ZNRF3: variants seen among roughly 807,000 people sequenced by gnomAD.
The protein encoded by ZNRF3 is E3 ubiquitin-protein ligase ZNRF3.
ZNRF3 carries 23 observed loss-of-function variants against 72.5 expected under a neutral mutation model. The observed-to-expected ratio is 0.32, with a 90% confidence interval of 0.23 to 0.45. The LOEUF (loss-of-function observed/expected upper bound fraction) is 0.45, where lower values mean the gene tolerates loss of function less well. Among genes scored for constraint, ZNRF3 ranks in the 20% least tolerant of loss-of-function variants. The probability of loss-of-function intolerance (pLI) is 1.00; values close to 1 mark genes in which losing one functional copy is unlikely to be tolerated. For synonymous variants in ZNRF3, 610 were observed against 545.3 expected, an observed-to-expected ratio of 1.12 and a Z score of -1.65; for missense variants, 1,169 against 1,272.1, an observed-to-expected ratio of 0.92 and a Z score of 1.23.
chr22:29,019,023 C>T (rs1363461047), intron 2 of ZNRF3, among the ~76,000 whole-genome samples: 1 of 151,282 alleles, frequency 6.6e-6, no homozygotes, highest in Non-Finnish European at 1.5e-5. Context: ...GGGGCCTCAC[C>T]TGGGATAGCC....
At position 29,013,554 on chromosome 22, in the gene ZNRF3, A is replaced by G. The variant is rs181996060; in HGVS notation, c.426+26353A>G. Among the ~76,000 whole-genome samples, 177 of 152,316 alleles carry G rather than the reference A, an allele frequency of 1.2e-3. 3 individuals carry two copies. The South Asian group carries it at 0.026, about 22-fold the overall frequency. ...TGTGCTGATTAAATGGCAAAATATG[A>G]TGGCAATTTTTACCCTTTGTTATTA... On this transcript the variant is annotated intron_variant, in intron 2 of 8. Coordinates refer to ENST00000544604, the MANE Select transcript of ZNRF3 (RefSeq NM_001206998.2).
At position 28,883,808 on chromosome 22, in the gene ZNRF3, CCGCCGCCGCCGCCTG is replaced by C. The variant is rs1201640084; in HGVS notation, c.53_67del (p.Arg18_Arg22del). 9.2e-6 allele frequency: 9 copies of C among 979,328 alleles called. No individual in the cohort carries two copies. The African/African-American group carries it at 1.2e-4, about 13-fold the overall frequency. 60.7% of individuals were successfully genotyped at this position (979,328 alleles called of 1,614,324 possible). A position where few individuals can be genotyped will look rare whatever the true frequency, so the allele number is the denominator to read the frequency against. On this transcript the variant is annotated inframe_deletion, in exon 1 of 9. Transcript: ENST00000544604. This position sits in a 1 kb window ranked among gnomAD's most constrained non-coding sequence, Gnocchi z 5.5. ...GCGGGCGCCCAGGGGCCACGGGCCG[CCGCCGCCGCCGCCTG>C]CGCCGCCGCCCCCGCGGCCTCCGGT... is the stretch of plus-strand genomic sequence containing the variant.
intron 2 of ZNRF3, among the ~76,000 whole-genome samples, chr22:28,998,319 T>A: frequency 6.6e-6 from 1 of 151,582 alleles, no homozygotes. Flanking sequence ...GTATGTAAAG[T>A]TCTTGGAATA....
At position 29,049,212 on chromosome 22, in the gene ZNRF3, C is replaced by A; in HGVS notation, c.1031C>A (p.Pro344Gln). 1 of 1,601,518 alleles carries A rather than the reference C, an allele frequency of 6.2e-7. No individual in the cohort carries two copies. The highest frequency in any genetic ancestry group is 1.3e-5 in the African/African-American group (1 of 74,896). The change falls in exon 8 of 9, where the codon CCA becomes CAA. Residue 344 changes from proline (P) to glutamine (Q), a missense_variant. This residue lies in a region of ZNRF3 where 386 missense variants were observed against 540.7 expected (regional missense o/e 0.71). Coordinates refer to ENST00000544604, the MANE Select transcript of ZNRF3 (RefSeq NM_001206998.2). The surrounding 1 kb of genome is among the most constrained non-coding windows in gnomAD (Gnocchi z 5.2). The stretch of plus-strand genomic sequence containing the variant: ...TTGTCTCCAGAACAAAAGGGAAACC[C>A]AAGCGCGGTGTGTGTGGAGACCAGC... ...RHNIIEQKGN[P>Q]SAVCVETSNL...
intron 1 of ZNRF3, among the ~76,000 whole-genome samples, chr22:28,979,254 CTTTTCCTTAG>C (rs2035725960): frequency 6.6e-6 from 1 of 152,190 alleles, no homozygotes; most frequent in Admixed American, 6.5e-5. Flanking sequence ...CCATGCCTGC[CTTTTCCTTAG>C]TTTTATTTCT....
intron 1 of ZNRF3, among the ~76,000 whole-genome samples, chr22:28,966,096 G>A (rs144034840): frequency 1.3e-5 from 2 of 152,228 alleles, no homozygotes; most frequent in South Asian, 2.1e-4. Flanking sequence ...TGATTTTCCC[G>A]CTGCATCTCC....
intron 1 of ZNRF3, among the ~76,000 whole-genome samples, chr22:28,960,011 G>GC (rs143931598): frequency 0.011 from 1,600 of 152,276 alleles, 29 homozygotes; most frequent in African/African-American, 0.036. Flanking sequence ...TGTTATGATA[G>GC]CCTGAGCAGA....
chr22:28,950,919 A>G (rs1360782972), intron 1 of ZNRF3, among the ~76,000 whole-genome samples: 1 of 152,220 alleles, frequency 6.6e-6, no homozygotes, highest in Non-Finnish European at 1.5e-5. Context: ...CTGAGAGTCT[A>G]CTGTATAGCT....
intron 2 of ZNRF3, among the ~76,000 whole-genome samples, chr22:29,014,701 T>TA (rs1404379553): frequency 6.6e-6 from 1 of 152,200 alleles, no homozygotes; most frequent in African/African-American, 2.4e-5. Context: ...ACAGTACTTA[T>TA]TAAAGTAGAC....
intron 2 of ZNRF3, among the ~76,000 whole-genome samples, chr22:29,012,606 A>G (rs7290304): frequency 0.57 from 86,899 of 152,080 alleles, 25,173 homozygotes; most frequent in African/African-American, 0.65. Flanking sequence ...AAACAAAGAC[A>G]TACCTTTCAG....
chr22:28,972,881 A>G (rs963427339), intron 1 of ZNRF3, among the ~76,000 whole-genome samples: 3 of 152,220 alleles, frequency 2.0e-5, no homozygotes, highest in Admixed American at 2.0e-4. Flanking sequence ...TTGGAGAAAT[A>G]TGTATTCAGA....
intron 1 of ZNRF3, among the ~76,000 whole-genome samples, chr22:28,899,537 A>C (rs1457199425): frequency 1.3e-5 from 2 of 152,176 alleles, no homozygotes; most frequent in Non-Finnish European, 2.9e-5. Flanking sequence ...GAAAGCTCTG[A>C]AACAGCAATG....
intron 1 of ZNRF3, among the ~76,000 whole-genome samples, chr22:28,944,849 T>C (rs1368329333): frequency 6.6e-6 from 1 of 150,510 alleles, no homozygotes; most frequent in Non-Finnish European, 1.5e-5. Context: ...TTGCTTGAAC[T>C]CAAGAGGTGG....
chr22:29,013,333 C>A (rs1434317889), intron 2 of ZNRF3, among the ~76,000 whole-genome samples: 1 of 152,300 alleles, frequency 6.6e-6, no homozygotes, highest in African/African-American at 2.4e-5. Flanking sequence ...ATGCTAGTAA[C>A]TTCCCCTGTT....
chr22:29,045,444 G>A (rs2037050253), intron 5 of ZNRF3, among the ~76,000 whole-genome samples: 1 of 151,518 alleles, frequency 6.6e-6, no homozygotes, highest in Non-Finnish European at 1.5e-5. Flanking sequence ...CAAAGGTTAA[G>A]CATTGGGAAT....
intron 1 of ZNRF3, among the ~76,000 whole-genome samples, chr22:28,948,972 T>C (rs1056285178): frequency 1.3e-5 from 2 of 152,196 alleles, no homozygotes; most frequent in African/African-American, 2.4e-5. Context: ...AAAATTCACA[T>C]TTAATTAATT....
Position 29,030,802 on chromosome 22 carries a change from G to A in ZNRF3, c.427-11693G>A, listed in dbSNP as rs1372361289. On this transcript the variant is annotated intron_variant, in intron 2 of 8. Coordinates refer to ENST00000544604, the MANE Select transcript of ZNRF3 (RefSeq NM_001206998.2). The surrounding 1 kb of genome is among the most constrained non-coding windows in gnomAD (Gnocchi z 4.2). ...ACGGGTGGGAGTGGGGAGGAGGAGG[G>A]CTCCTGGCGCGGGGAGGAGCCGCGG... 6.6e-6 allele frequency among the ~76,000 whole-genome samples: 1 copy of A among 151,812 alleles called. No individual in the cohort carries two copies. The highest frequency in any genetic ancestry group is 2.4e-5 in the African/African-American group (1 of 41,280).
At chr22:28,919,313 C>T (rs1192574309) in intron 1 of ZNRF3, among the ~76,000 whole-genome samples, 1 of 152,178 alleles carries the variant, frequency 6.6e-6, no homozygotes, top group African/African-American at 2.4e-5. Flanking sequence ...TAAAATAATA[C>T]CATAGAGCTA....
intron 1 of ZNRF3, among the ~76,000 whole-genome samples, chr22:28,916,166 A>G (rs2034404330): frequency 6.6e-6 from 1 of 152,130 alleles, no homozygotes; most frequent in African/African-American, 2.4e-5. Context: ...GGCTCAAGCA[A>G]TTCTTCCACC....
Sources: gnomAD v4.1 joint callset for allele counts (sites outside exome capture counted in the v4.1 genomes callset) on GRCh38, gnomAD v4.1.1 for gene constraint, gnomAD v4.1.1 regional missense constraint, Gnocchi (gnomAD v3.1) non-coding constraint, MANE v1.5 for transcripts, NCBI Gene and HGNC (gene_info 2026-07-23, HGNC 2026-07-21) for gene names.